Variants in GPHN observed in about 807,000 individuals in gnomAD.
GPHN encodes gephyrin.
A neutral mutation model predicts 95.5 loss-of-function variants in GPHN; 17 were observed. The ratio of observed to expected loss-of-function variants is 0.18; its 90% CI spans 0.12 to 0.27. The LOEUF (loss-of-function observed/expected upper bound fraction) is 0.27, where lower values mean the gene tolerates loss of function less well. Ranked by LOEUF, GPHN falls within the 10% of genes least tolerant of loss-of-function variation. GPHN has a pLI of 1.00. For synonymous variants in GPHN, 320 were observed against 322.5 expected, an observed-to-expected ratio of 0.99 and a Z score of 0.08; for missense variants, 660 against 978.1, an observed-to-expected ratio of 0.67 and a Z score of 4.34.
At chr14:66,609,087 T>C (rs1198344454) in intron 1 of GPHN, among the ~76,000 whole-genome samples, 1 of 152,184 alleles carries the variant, frequency 6.6e-6, no homozygotes, top group African/African-American at 2.4e-5. Flanking sequence ...CTATGGGCTA[T>C]ATGCTTAATT....
the GPHN span, among the ~76,000 whole-genome samples, chr14:67,226,640 C>A: frequency 6.9e-6 from 1 of 144,534 alleles, no homozygotes; most frequent in Non-Finnish European, 1.5e-5. Context: ...GGATTACAGG[C>A]GTGAGCCACT....
At chr14:67,207,035 A>G in the GPHN span, among the ~76,000 whole-genome samples, 2 of 152,190 alleles carry the variant, frequency 1.3e-5, no homozygotes, top group African/African-American at 2.4e-5. Context: ...TTTTCCAAAT[A>G]CGCTATAATA....
At chr14:67,094,114 A>G (rs115824686) in intron 12 of GPHN, among the ~76,000 whole-genome samples, 2,186 of 152,292 alleles carry the variant, frequency 0.014, 38 homozygotes, top group African/African-American at 0.049. Context: ...CAGTATTTCA[A>G]GAGACTTAAA....
chr14:67,200,475 C>A, the GPHN span: 169 of 397,044 alleles, frequency 4.3e-4, 4 homozygotes, highest in East Asian at 7.1e-3. Flanking sequence ...ACTTTTTCCA[C>A]AGGAGGTATT....
chr14:66,985,404 C>G (rs993114338), intron 9 of GPHN, among the ~76,000 whole-genome samples: 1 of 152,104 alleles, frequency 6.6e-6, no homozygotes, highest in Admixed American at 6.6e-5. Flanking sequence ...TAACACTACT[C>G]CAGATACTGC....
Position 67,063,266 on chromosome 14 carries a change from C to G in GPHN, c.1144+4480C>G, listed in dbSNP as rs571601671. Among the ~76,000 whole-genome samples the G allele has an allele frequency of 5.3e-5, 8 of 152,152 alleles. No homozygotes were observed. In the East Asian group the frequency reaches 1.2e-3, roughly 22 times the overall value. ...TAGATGGGTGGTGTTATTTCTGAGG[C>G]CTCTGTTCTGTTCCATTGGTCTATA... On this transcript the variant is annotated intron_variant, in intron 11 of 22. Transcript: ENST00000478722.
chr14:67,670,300 C>A, the GPHN span, among the ~76,000 whole-genome samples: 6 of 152,076 alleles, frequency 3.9e-5, no homozygotes, highest in Non-Finnish European at 4.4e-5. Context: ...ACACTGAGAT[C>A]CCCTCACAAT....
At chr14:67,449,146 T>G in the GPHN span, among the ~76,000 whole-genome samples, 1 of 152,226 alleles carries the variant, frequency 6.6e-6, no homozygotes, top group Non-Finnish European at 1.5e-5. Flanking sequence ...GAAGATGGGA[T>G]TCCTGCATTT....
chr14:66,878,210 A>G (rs1221939201), intron 4 of GPHN, among the ~76,000 whole-genome samples: 1 of 152,186 alleles, frequency 6.6e-6, no homozygotes, highest in African/African-American at 2.4e-5. Flanking sequence ...CTTACACCTT[A>G]TACAAAAATT....
intron 13 of GPHN, among the ~76,000 whole-genome samples, chr14:67,106,518 T>C (rs1353492760): frequency 6.6e-6 from 1 of 152,182 alleles, no homozygotes; most frequent in African/African-American, 2.4e-5. Context: ...TGTCTCTCTC[T>C]CTTGCTGGGT....
intron 4 of GPHN, among the ~76,000 whole-genome samples, chr14:66,850,512 T>C (rs1365892760): frequency 6.6e-6 from 1 of 152,128 alleles, no homozygotes; most frequent in Non-Finnish European, 1.5e-5. Context: ...GTAGTTTGTA[T>C]TTTTACATGG....
chr14:67,249,877 T>C, the GPHN span, among the ~76,000 whole-genome samples: 9 of 152,360 alleles, frequency 5.9e-5, no homozygotes, highest in South Asian at 1.4e-3. Flanking sequence ...TTTAACGTGA[T>C]TGCTTCCTAT....
At chr14:67,360,008 G>T in the GPHN span, 3 of 531,304 alleles carry the variant, frequency 5.6e-6, no homozygotes, top group Non-Finnish European at 1.0e-5. Context: ...CGCAATACGC[G>T]GCACGCGCCA....
chr14:66,724,576 G>A (rs925109321), intron 2 of GPHN, among the ~76,000 whole-genome samples: 9 of 152,128 alleles, frequency 5.9e-5, no homozygotes, highest in Admixed American at 5.9e-4. Flanking sequence ...CAGGAGGTAG[G>A]GGCTTGGAGA....
the GPHN span, among the ~76,000 whole-genome samples, chr14:67,565,750 T>C: frequency 1.6e-4 from 25 of 152,210 alleles, 1 homozygote; most frequent in East Asian, 4.4e-3. Flanking sequence ...GGGGGTGACA[T>C]CAGGGTGGAC....
intron 2 of GPHN, among the ~76,000 whole-genome samples, chr14:66,699,503 C>T (rs1249460360): frequency 6.6e-6 from 1 of 152,026 alleles, no homozygotes; most frequent in Non-Finnish European, 1.5e-5. Flanking sequence ...ATTTCATAAG[C>T]TTTTCATTAT....
the GPHN span, among the ~76,000 whole-genome samples, chr14:67,521,299 G>A: frequency 6.6e-6 from 1 of 152,204 alleles, no homozygotes; most frequent in African/African-American, 2.4e-5. Context: ...AGTGCATTGT[G>A]ACAGGGGAAG....
the GPHN span, among the ~76,000 whole-genome samples, chr14:67,627,256 G>GATATAT: frequency 0.025 from 3,380 of 133,578 alleles, 65 homozygotes; most frequent in Middle Eastern, 0.043. Flanking sequence ...TCAGTAAGGA[G>GATATAT]ATATATATAT....
At chr14:67,329,271 C>G in the GPHN span, among the ~76,000 whole-genome samples, 1 of 152,148 alleles carries the variant, frequency 6.6e-6, no homozygotes, top group African/African-American at 2.4e-5. Flanking sequence ...TGATTTGGCT[C>G]TCTCTTTGTC....
Sources: gnomAD v4.1 joint callset for allele counts (sites outside exome capture counted in the v4.1 genomes callset) on GRCh38, gnomAD v4.1.1 for gene constraint, MANE v1.5 for transcripts, NCBI Gene and HGNC (gene_info 2026-07-23, HGNC 2026-07-21) for gene names.